The following CMSS1 variants were observed in gnomAD, a reference collection of about 807,000 sequenced individuals.
The protein encoded by CMSS1 is cms1 ribosomal small subunit homolog, also known as protein CMSS1.
Under a neutral mutation model 43.5 loss-of-function variants are expected in CMSS1, and 33 were observed. That is an observed-to-expected ratio of 0.76 (90% CI 0.57 to 1.01). The LOEUF is 1.01. Ranked by LOEUF, CMSS1 falls within the 50% of genes least tolerant of loss-of-function variation. The probability of loss-of-function intolerance (pLI) is 0.00; values close to 1 mark genes in which losing one functional copy is unlikely to be tolerated. For missense variants in CMSS1, 313 were observed against 326.4 expected (o/e 0.96, Z 0.32); for synonymous variants, 115 against 117.2 (o/e 0.98, Z 0.12).
intron 1 of CMSS1, among the ~76,000 whole-genome samples, chr3:99,864,256 C>G (rs1273998063): frequency 6.6e-6 from 1 of 152,064 alleles, no homozygotes; most frequent in East Asian, 1.9e-4. Flanking sequence ...CAGATTAATA[C>G]TATGCAAGGC....
intron 1 of CMSS1, among the ~76,000 whole-genome samples, chr3:100,078,820 G>A (rs889857315): frequency 1.3e-5 from 2 of 152,156 alleles, no homozygotes; most frequent in Non-Finnish European, 2.9e-5. Flanking sequence ...GAACCTGGGA[G>A]GTGGAGGCTG....
At chr3:99,848,598 A>G in intron 1 of CMSS1, 2 of 1,614,128 alleles carry the variant, frequency 1.2e-6, no homozygotes, top group South Asian at 2.2e-5. Flanking sequence ...CATGCTTGGC[A>G]CTGATTTCTG....
At chr3:100,019,885 G>A (rs570954415) in intron 1 of CMSS1, among the ~76,000 whole-genome samples, 1 of 152,196 alleles carries the variant, frequency 6.6e-6, no homozygotes, top group South Asian at 2.1e-4. Flanking sequence ...GAAAGCTACA[G>A]TGACTCTTTT....
chr3:99,885,850 G>A (rs1293271815), intron 1 of CMSS1, among the ~76,000 whole-genome samples: 1 of 152,066 alleles, frequency 6.6e-6, no homozygotes, highest in Admixed American at 6.6e-5. Flanking sequence ...AAGAAATGAA[G>A]AACAATACAG....
intron 1 of CMSS1, among the ~76,000 whole-genome samples, chr3:100,066,810 C>CAAGGATGAT (rs2065673479): frequency 1.1e-5 from 1 of 94,798 alleles, no homozygotes; most frequent in Non-Finnish European, 2.5e-5. Flanking sequence ...GGATTACAGG[C>CAAGGATGAT]GTGGCTTTGC....
chr3:99,981,399 G>A (rs1005167422), intron 1 of CMSS1, among the ~76,000 whole-genome samples: 3 of 152,126 alleles, frequency 2.0e-5, no homozygotes, highest in Non-Finnish European at 2.9e-5. Flanking sequence ...GTGTGTCACA[G>A]CATCCAACAC....
At chr3:100,172,720 C>T (rs749206886) in intron 8 of CMSS1, among the ~76,000 whole-genome samples, 18 of 152,304 alleles carry the variant, frequency 1.2e-4, no homozygotes, top group Non-Finnish European at 2.5e-4. Context: ...AGTTCCCTGT[C>T]ACTCCACTGA....
chr3:99,946,313 A>G (rs1708006005), intron 1 of CMSS1, among the ~76,000 whole-genome samples: 1 of 152,240 alleles, frequency 6.6e-6, no homozygotes, highest in Non-Finnish European at 1.5e-5. Context: ...CACTCAGTCA[A>G]TGAATAGAAA....
chr3:99,930,654 T>C, intron 1 of CMSS1: 1 of 1,136,020 alleles, frequency 8.8e-7, no homozygotes, highest in Middle Eastern at 3.0e-4. Context: ...ATGCTTTGCT[T>C]TCATGTACAC....
In CMSS1 at chr3:100,180,077, G is replaced by A; in HGVS notation, c.*1689G>A. The A allele has an allele frequency of 6.6e-6, 1 of 152,448 alleles. No individual in the cohort carries two copies. Among genetic ancestry groups the A allele is most frequent in the Non-Finnish European group, 1.5e-5 (1 of 68,104 alleles). The allele number at this position is 152,448 out of a possible 1,614,324, so 9.4% of individuals were successfully genotyped here. A position where few individuals can be genotyped will look rare whatever the true frequency, so the allele number is the denominator to read the frequency against. On this transcript the variant is annotated 3_prime_UTR_variant, in exon 10 of 10. Transcript: ENST00000421999. The stretch of plus-strand genomic sequence containing the variant: ...TTTAGTCACAGCTGGAGCTGGGGCA[G>A]CTGGGAATTAGGCTGCCATGTCCTA...
chr3:100,040,511 G>A (rs1216025836), intron 1 of CMSS1: 1 of 152,252 alleles, frequency 6.6e-6, no homozygotes, highest in East Asian at 1.9e-4. Flanking sequence ...TGAGTAACTA[G>A]TAGTGATTTG....
At chr3:100,012,971 A>G (rs115426209) in intron 1 of CMSS1, among the ~76,000 whole-genome samples, 1 of 151,608 alleles carries the variant, frequency 6.6e-6, no homozygotes, top group Non-Finnish European at 1.5e-5. Context: ...GTATTTATTT[A>G]TTTATTTGGA....
chr3:99,918,282 T>G (rs1278131532), intron 1 of CMSS1, among the ~76,000 whole-genome samples: 6 of 152,238 alleles, frequency 3.9e-5, no homozygotes, highest in East Asian at 1.9e-4. Flanking sequence ...AGCCCCTTGT[T>G]TTATATACCA....
chr3:99,957,505 G>C (rs531257705), intron 1 of CMSS1, among the ~76,000 whole-genome samples: 1 of 151,832 alleles, frequency 6.6e-6, no homozygotes, highest in Non-Finnish European at 1.5e-5. Context: ...TTTCTGTGTG[G>C]TAATATCATC....
At chr3:99,845,788 C>T (rs545618556) in intron 1 of CMSS1, among the ~76,000 whole-genome samples, 3 of 152,274 alleles carry the variant, frequency 2.0e-5, no homozygotes, top group Admixed American at 1.3e-4. Flanking sequence ...ATAATCTACA[C>T]GTTATTAATC....
chr3:99,959,046 G>A (rs1247738791), intron 1 of CMSS1, among the ~76,000 whole-genome samples: 1 of 152,064 alleles, frequency 6.6e-6, no homozygotes, highest in Non-Finnish European at 1.5e-5. Flanking sequence ...ATTGAAATAG[G>A]TTATAAATGT....
intron 1 of CMSS1, among the ~76,000 whole-genome samples, chr3:100,039,315 C>T (rs933995961): frequency 2.6e-5 from 4 of 152,108 alleles, no homozygotes; most frequent in Admixed American, 6.5e-5. Flanking sequence ...CTATGAAGTA[C>T]ATAAGAAGTA....
intron 1 of CMSS1, among the ~76,000 whole-genome samples, chr3:99,983,385 AATAAAT>A (rs201354184): frequency 0.52 from 44,048 of 83,960 alleles, 10,973 homozygotes; most frequent in Middle Eastern, 0.62. Context: ...AAAATAAATA[AATAAAT>A]ATATATATAT....
At chr3:99,973,927 G>A (rs775321175) in intron 1 of CMSS1, among the ~76,000 whole-genome samples, 8 of 152,174 alleles carry the variant, frequency 5.3e-5, no homozygotes, top group Non-Finnish European at 1.2e-4. Context: ...CAAAGATCTT[G>A]CATTGTTTTC....
Sources: allele counts gnomAD v4.1 joint callset (sites outside exome capture counted in the v4.1 genomes callset), GRCh38; gene constraint gnomAD v4.1.1; transcripts MANE v1.5; gene names NCBI Gene and HGNC (gene_info 2026-07-23, HGNC 2026-07-21).